The following GAB1 variants were observed in gnomAD, a reference collection of about 807,000 sequenced individuals.
GAB1 encodes GRB2-associated-binding protein 1.
Under a neutral mutation model 66.5 loss-of-function variants are expected in GAB1, and 19 were observed. The observed-to-expected ratio is 0.29, with a 90% confidence interval of 0.20 to 0.42. GAB1 has a LOEUF of 0.42. GAB1 is among the 10% of genes least tolerant of loss of function. The probability of loss-of-function intolerance (pLI) is 1.00; values close to 1 mark genes in which losing one functional copy is unlikely to be tolerated. For synonymous variants in GAB1, 294 were observed against 301.4 expected (o/e 0.98, Z 0.25); for missense variants, 732 against 858.5 (o/e 0.85, Z 1.84).
chr4:143,390,397 G>A (rs1322664181), intron 1 of GAB1, among the ~76,000 whole-genome samples: 1 of 151,452 alleles, frequency 6.6e-6, no homozygotes. Flanking sequence ...AATTTGTAAA[G>A]TAATAAGTAG....
chr4:143,380,078 C>G (rs1299033919), intron 1 of GAB1, among the ~76,000 whole-genome samples: 1 of 148,842 alleles, frequency 6.7e-6, no homozygotes, highest in Non-Finnish European at 1.5e-5. Flanking sequence ...TAACGTGGAC[C>G]CTGGTTAAGT....
intron 1 of GAB1, among the ~76,000 whole-genome samples, chr4:143,411,216 A>AG (rs1192796113): frequency 6.6e-6 from 1 of 152,190 alleles, no homozygotes; most frequent in East Asian, 1.9e-4. Flanking sequence ...CTGTAGGCAC[A>AG]GGGGGCAGTC....
rs75269858 is a variant in GAB1 at position 143,444,006 on chromosome 4, G to A, written c.1585+3624G>A. Among the ~76,000 whole-genome samples, 587 of 152,228 alleles carry A rather than the reference G, an allele frequency of 3.9e-3. 20 individuals are homozygous for A. In the East Asian group the frequency reaches 0.09, roughly 23 times the overall value. On this transcript the variant is annotated intron_variant, in intron 6 of 9. Coordinates refer to ENST00000262994, the MANE Select transcript of GAB1 (RefSeq NM_002039.4). ...GTGTTTGTTTTGAGCCAAGTTTTGT[G>A]TGTATTAAGAGAAACGTATTTTAAG...
intron 7 of GAB1, among the ~76,000 whole-genome samples, chr4:143,460,134 T>C (rs1735410490): frequency 6.6e-6 from 1 of 152,146 alleles, no homozygotes; most frequent in African/African-American, 2.4e-5. Flanking sequence ...GGTTTTTTTG[T>C]TTTACACAAA....
chr4:143,458,147 G>T (rs1735291337), intron 6 of GAB1, among the ~76,000 whole-genome samples: 1 of 152,056 alleles, frequency 6.6e-6, no homozygotes, highest in Non-Finnish European at 1.5e-5. Context: ...TGGATTAATT[G>T]TGCCATTATT....
intron 1 of GAB1, among the ~76,000 whole-genome samples, chr4:143,350,349 G>T (rs1363103391): frequency 6.6e-6 from 1 of 152,154 alleles, no homozygotes; most frequent in East Asian, 1.9e-4. Flanking sequence ...ATGTGGCACT[G>T]TTATCATGGC....
chr4:143,434,210 A>T, intron 3 of GAB1: 1 of 1,031,076 alleles, frequency 9.7e-7, no homozygotes, highest in Non-Finnish European at 1.3e-6. Context: ...TGAGAAATTA[A>T]TCATAAGGTA....
At chr4:143,353,763 A>G (rs1398389389) in intron 1 of GAB1, among the ~76,000 whole-genome samples, 1 of 152,012 alleles carries the variant, frequency 6.6e-6, no homozygotes, top group Non-Finnish European at 1.5e-5. Flanking sequence ...TCTTTATTCT[A>G]ATTATCTCTG....
intron 1 of GAB1, among the ~76,000 whole-genome samples, chr4:143,371,893 A>T (rs996758898): frequency 1.3e-5 from 2 of 152,128 alleles, no homozygotes; most frequent in Non-Finnish European, 2.9e-5. Flanking sequence ...GGCTCTGTAC[A>T]GAACTCGTTT....
Position 143,439,837 on chromosome 4 carries a change from G to C in GAB1, c.1231G>C (p.Ala411Pro). ...TCAAGACTGCTATGATATTCCACGA[G>C]CATTTCCAAGTGATAGATCTAGTTC... Reference protein sequence around the residue: ...SSQDCYDIPRAFPSDRSSSLE... With the variant: ...SSQDCYDIPRPFPSDRSSSLE... The change falls in exon 5 of 10, where the codon GCA (alanine) becomes CCA (proline). Residue 411 changes from alanine to proline, a missense_variant. By Grantham distance (27) the Ala-to-Pro change is conservative. This residue lies in a region of GAB1 where 427 missense variants were observed against 420.6 expected (regional missense o/e 1.02). Coordinates refer to ENST00000262994, the MANE Select transcript of GAB1 (RefSeq NM_002039.4). 2 of 1,613,510 alleles carry C rather than the reference G, an allele frequency of 1.2e-6. No homozygotes were observed. The highest frequency in any genetic ancestry group is 1.7e-6 in the Non-Finnish European group (2 of 1,179,522).
intron 1 of GAB1, among the ~76,000 whole-genome samples, chr4:143,390,118 A>G (rs1274766969): frequency 6.6e-6 from 1 of 152,234 alleles, no homozygotes; most frequent in African/African-American, 2.4e-5. Flanking sequence ...GGTTCGAGGT[A>G]CAGATCTAGG....
chr4:143,408,720 C>T (rs1443274093), intron 1 of GAB1, among the ~76,000 whole-genome samples: 1 of 152,128 alleles, frequency 6.6e-6, no homozygotes, highest in Non-Finnish European at 1.5e-5. Context: ...TTGTGAAACG[C>T]ACATCTTCAA....
intron 1 of GAB1, among the ~76,000 whole-genome samples, chr4:143,362,309 G>C (rs998227471): frequency 8.9e-4 from 135 of 152,240 alleles, no homozygotes; most frequent in Non-Finnish European, 1.2e-4. Context: ...TTACCAGAAA[G>C]GGGTCCTGAG....
chr4:143,368,703 A>G (rs892074987), intron 1 of GAB1, among the ~76,000 whole-genome samples: 1 of 151,878 alleles, frequency 6.6e-6, no homozygotes, highest in Non-Finnish European at 1.5e-5. Context: ...TTCAATGTGC[A>G]TTTTTCTCAC....
At chr4:143,449,637 T>G (rs1173263892) in intron 6 of GAB1, among the ~76,000 whole-genome samples, 1 of 152,226 alleles carries the variant, frequency 6.6e-6, no homozygotes, top group Non-Finnish European at 1.5e-5. Context: ...GTTTTCCATT[T>G]GCTTGGTAGA....
chr4:143,448,412 A>G (rs1371116212), intron 6 of GAB1, among the ~76,000 whole-genome samples: 2 of 151,828 alleles, frequency 1.3e-5, no homozygotes, highest in Admixed American at 6.5e-5. Flanking sequence ...CTGTGAATCC[A>G]TCTGGTCCTG....
rs115880531 is a variant in GAB1 at position 143,359,764 on chromosome 4, G to C, written c.72+22504G>C. Among the ~76,000 whole-genome samples the C allele has an allele frequency of 4.8e-3, 726 of 152,316 alleles. 3 individuals carry two copies. The highest frequency in any genetic ancestry group is 0.017 in the African/African-American group (688 of 41,556). ...TCTTCCTTCCCTACTGGGTCTCTCT[G>C]AGATTTTCAGGGGTTGCCAGTGGCA... On this transcript the variant is annotated intron_variant, in intron 1 of 9. Coordinates refer to ENST00000262994, the MANE Select transcript of GAB1 (RefSeq NM_002039.4).
chr4:143,362,804 A>G (rs545783959), intron 1 of GAB1, among the ~76,000 whole-genome samples: 2 of 152,138 alleles, frequency 1.3e-5, no homozygotes, highest in African/African-American at 2.4e-5. Flanking sequence ...CCCACCTCCT[A>G]TCTCATCCTG....
At chr4:143,468,821 G>A (rs1021061128) in intron 9 of GAB1, among the ~76,000 whole-genome samples, 2 of 151,992 alleles carry the variant, frequency 1.3e-5, no homozygotes, top group South Asian at 4.1e-4. Context: ...TACTCAGGAG[G>A]CTGAGACAGG....
Sources: allele counts gnomAD v4.1 joint callset (sites outside exome capture counted in the v4.1 genomes callset), GRCh38; gene constraint gnomAD v4.1.1; regional missense constraint gnomAD v4.1.1; transcripts MANE v1.5; gene names NCBI Gene and HGNC (gene_info 2026-07-23, HGNC 2026-07-21).